The following COL4A3 variants were observed in gnomAD, a reference collection of about 807,000 sequenced individuals.
COL4A3 encodes the protein collagen alpha-3(IV) chain.
Under a neutral mutation model 217.4 loss-of-function variants are expected in COL4A3, and 135 were observed. The ratio of observed to expected loss-of-function variants is 0.62; its 90% CI spans 0.54 to 0.72. The LOEUF is 0.72. COL4A3 is among the 30% of genes least tolerant of loss of function. The pLI is 0.00. For synonymous variants in COL4A3, 690 were observed against 736.3 expected (o/e 0.94, Z 1.02); for missense variants, 1,868 against 2,119.9 (o/e 0.88, Z 2.33).
intron 5 of COL4A3, among the ~76,000 whole-genome samples, chr2:227,245,456 G>T (rs6750893): frequency 0.76 from 115,592 of 152,024 alleles, 45,138 homozygotes; most frequent in East Asian, 0.91. Flanking sequence ...GTGCAAATAC[G>T]GTACCATTCT....
intron 1 of COL4A3, among the ~76,000 whole-genome samples, chr2:227,176,080 A>T (rs1346617863): frequency 6.6e-6 from 1 of 152,176 alleles, no homozygotes; most frequent in Non-Finnish European, 1.5e-5. Flanking sequence ...CCAGTTAAGG[A>T]TCTGGAAGAA....
At chr2:227,299,958 T>C (rs935001267) in intron 43 of COL4A3, among the ~76,000 whole-genome samples, 2 of 152,226 alleles carry the variant, frequency 1.3e-5, no homozygotes, top group Admixed American at 1.3e-4. Context: ...CCCCTGTAAA[T>C]GCCTATTTAT....
chr2:227,200,583 C>G (rs2066647688), intron 1 of COL4A3, among the ~76,000 whole-genome samples: 1 of 152,152 alleles, frequency 6.6e-6, no homozygotes, highest in Non-Finnish European at 1.5e-5. Context: ...GCATTGGAGG[C>G]AGGACTCAAA....
intron 41 of COL4A3, chr2:227,296,429 A>T: frequency 1.2e-6 from 1 of 857,382 alleles, no homozygotes. Context: ...TAAAAGCCTT[A>T]AAACTAACAA....
intron 30 of COL4A3, 135 bp from the exon 31 acceptor site, chr2:227,280,758 A>G: frequency 1.9e-6 from 2 of 1,036,496 alleles, no homozygotes; most frequent in Admixed American, 1.9e-5. Context: ...AGTGCCCTCT[A>G]GAAAAGGCAT....
rs940459919 is a variant in COL4A3, at chr2:227,191,942, G to GA, written c.87+27136dup. ...CAGACACTTGAGAATTGTGGAAAGG[G>GA]AAAAAAATTATCGAAGGAAAGTCAT... On this transcript the variant is annotated intron_variant, in intron 1 of 51. Transcript: ENST00000396578. This position sits in a 1 kb window ranked among gnomAD's most constrained non-coding sequence, Gnocchi z 6.8. Among the ~76,000 whole-genome samples, 8 of 152,198 alleles carry GA rather than the reference G, an allele frequency of 5.3e-5. No homozygotes were observed. Among genetic ancestry groups the GA allele is most frequent in the Admixed American group, 1.3e-4 (2 of 15,278 alleles).
intron 18 of COL4A3, among the ~76,000 whole-genome samples, chr2:227,258,041 C>A (rs1008738586): frequency 5.3e-5 from 8 of 152,222 alleles, no homozygotes; most frequent in Admixed American, 5.2e-4. Flanking sequence ...AGCAATCATT[C>A]CGGCCCAAGC....
Position 227,314,116 on chromosome 2 carries a change from TCA to T in COL4A3, c.*2249_*2250del, listed in dbSNP as rs2073828484. On this transcript the variant is annotated 3_prime_UTR_variant, in exon 52 of 52. Coordinates refer to ENST00000396578, the MANE Select transcript of COL4A3 (RefSeq NM_000091.5). ...CCGTGCCTCTTTTTAAAGTTCAAACTCACAGGTGACTCTAAGGTTATCTACTT... is the reference window on the plus strand; with the variant it reads ...CCGTGCCTCTTTTTAAAGTTCAAACTCAGGTGACTCTAAGGTTATCTACTT... The T allele has an allele frequency of 6.6e-6, 1 of 152,632 alleles. No homozygotes were observed. The highest frequency in any genetic ancestry group is 6.5e-5 in the Admixed American group (1 of 15,276). 9.5% of individuals were successfully genotyped at this position (152,632 alleles called of 1,614,324 possible). A position where few individuals can be genotyped will look rare whatever the true frequency, so the allele number is the denominator to read the frequency against.
At chr2:227,304,359 A>G (rs1014133216) in intron 46 of COL4A3, 1 of 590,786 alleles carries the variant, frequency 1.7e-6, no homozygotes, top group Admixed American at 3.0e-5. Context: ...GTATAACTTG[A>G]ACAAATACAC....
At chr2:227,249,727 G>C (rs894441951) in intron 9 of COL4A3, among the ~76,000 whole-genome samples, 1 of 152,120 alleles carries the variant, frequency 6.6e-6, no homozygotes, top group African/African-American at 2.4e-5. Flanking sequence ...AGCCATTATA[G>C]GCTTCTGAAA....
chr2:227,305,325 G>C lies in COL4A3; in HGVS notation c.4252+242G>C, dbSNP rs1028222840. 1.3e-5 allele frequency: 6 copies of C among 472,612 alleles called. No individual in the cohort carries two copies. In the Admixed American group the frequency reaches 2.0e-4, roughly 16 times the overall value. The allele number at this position is 472,612 out of a possible 1,614,324, so 29.3% of individuals were successfully genotyped here. The stretch of plus-strand genomic sequence containing the variant: ...CAAACTGATGCACAGTTTAGCCTGA[G>C]GACAAATAGAACTAATAAGTCCTAT... On this transcript the variant is annotated intron_variant, in intron 47 of 51. Coordinates refer to ENST00000396578, the MANE Select transcript of COL4A3 (RefSeq NM_000091.5).
chr2:227,176,492 A>G (rs938890640), intron 1 of COL4A3, among the ~76,000 whole-genome samples: 2 of 152,186 alleles, frequency 1.3e-5, no homozygotes, highest in Non-Finnish European at 2.9e-5. Flanking sequence ...CCATATAAAA[A>G]TCTTTTAATT....
Position 227,304,383 on chromosome 2 carries a change from G to GT in COL4A3, c.4153+247dup, listed in dbSNP as rs200694403. On this transcript the variant is annotated intron_variant, in intron 46 of 51. Coordinates refer to ENST00000396578, the MANE Select transcript of COL4A3 (RefSeq NM_000091.5). ...GAACAAATACACTTTAGGGCAGCATGTTTTTTTTATTATTTTTTATTAAGG... is the reference window on the plus strand; with the variant it reads ...GAACAAATACACTTTAGGGCAGCATGTTTTTTTTTATTATTTTTTATTAAGG... The GT allele has an allele frequency of 1.1e-3, 424 of 392,044 alleles. 2 individuals carry two copies. The highest frequency in any genetic ancestry group is 7.5e-3 in the African/African-American group (357 of 47,642). 24.3% of individuals were successfully genotyped at this position (392,044 alleles called of 1,614,324 possible).
At chr2:227,180,810 C>G (rs898057611) in intron 1 of COL4A3, among the ~76,000 whole-genome samples, 2 of 152,164 alleles carry the variant, frequency 1.3e-5, no homozygotes, top group African/African-American at 4.8e-5. Context: ...ATCAGAAAAG[C>G]AATAGTCCAA....
intron 1 of COL4A3, among the ~76,000 whole-genome samples, chr2:227,213,591 T>C (rs2067406214): frequency 1.3e-5 from 2 of 152,146 alleles, no homozygotes; most frequent in African/African-American, 4.8e-5. Context: ...TTGTTTCCGC[T>C]TTTTAGATGA....
chr2:227,283,365 C>G (rs2072104697), intron 32 of COL4A3, among the ~76,000 whole-genome samples: 1 of 152,182 alleles, frequency 6.6e-6, no homozygotes, highest in African/African-American at 2.4e-5. Flanking sequence ...AGAGACACAT[C>G]AGTCAGTGGA....
intron 7 of COL4A3, among the ~76,000 whole-genome samples, chr2:227,247,232 C>T (rs2069402824): frequency 6.6e-6 from 1 of 152,172 alleles, no homozygotes; most frequent in Admixed American, 6.6e-5. Context: ...CAGAGGAGTA[C>T]TGACATGTTG....
chr2:227,192,139 ACCAT>A (rs1311768093), intron 1 of COL4A3, among the ~76,000 whole-genome samples: 1 of 152,208 alleles, frequency 6.6e-6, no homozygotes, highest in African/African-American at 2.4e-5. Flanking sequence ...CGGTAATTAT[ACCAT>A]CCAGTTGCAA....
At chr2:227,165,037 G>C (rs1335552948) in intron 1 of COL4A3, among the ~76,000 whole-genome samples, 2 of 152,206 alleles carry the variant, frequency 1.3e-5, no homozygotes, top group Admixed American at 1.3e-4. Flanking sequence ...GAAGAGGCGA[G>C]GAGGGGGCTT....
Sources: gnomAD v4.1 joint callset for allele counts (sites outside exome capture counted in the v4.1 genomes callset) on GRCh38, gnomAD v4.1.1 for gene constraint, Gnocchi (gnomAD v3.1) non-coding constraint, MANE v1.5 for transcripts, NCBI Gene and HGNC (gene_info 2026-07-23, HGNC 2026-07-21) for gene names.